STARD13: variants seen among roughly 807,000 people sequenced by gnomAD.
STARD13 encodes stAR-related lipid transfer protein 13.
Under a neutral mutation model 106.4 loss-of-function variants are expected in STARD13, and 62 were observed. The observed-to-expected ratio is 0.58, with a 90% CI of 0.48 to 0.72. The LOEUF (loss-of-function observed/expected upper bound fraction) is 0.72. Among genes scored for constraint, STARD13 ranks in the 30% least tolerant of loss-of-function variants. STARD13 has a pLI of 0.00. For missense variants in STARD13, 1,387 were observed against 1,424.0 expected (o/e 0.97, Z 0.42); for synonymous variants, 565 against 553.0 (o/e 1.02, Z -0.31).
chr13:33,327,611 T>C (rs2077790937), intron 1 of STARD13, among the ~76,000 whole-genome samples: 1 of 152,226 alleles, frequency 6.6e-6, no homozygotes, highest in African/African-American at 2.4e-5. Flanking sequence ...CCTCAAGGGA[T>C]CCTCTGGGTT....
At chr13:33,656,617 C>CGTTT in the STARD13 span, among the ~76,000 whole-genome samples, 1 of 152,188 alleles carries the variant, frequency 6.6e-6, no homozygotes, top group African/African-American at 2.4e-5. Flanking sequence ...GCCGGAGAAT[C>CGTTT]TTAAACCAGG....
chr13:33,285,726 C>T lies in STARD13; in HGVS notation c.-88G>A. 17 of 1,540,226 alleles carry T rather than the reference C, an allele frequency of 1.1e-5. No homozygotes were observed. Among genetic ancestry groups the T allele is most frequent in the Non-Finnish European group, 1.5e-5 (17 of 1,149,868 alleles). Reference sequence around the variant, plus strand: ...CAGTCAAAGAGCAAGGCACCCAGCCCAGGACAGCTCAACAGACCCAGCGAT... The same window carrying T: ...CAGTCAAAGAGCAAGGCACCCAGCCTAGGACAGCTCAACAGACCCAGCGAT... On this transcript the variant is annotated 5_prime_UTR_variant, in exon 1 of 14. Coordinates refer to ENST00000336934, the MANE Select transcript of STARD13 (RefSeq NM_178006.4).
chr13:33,603,583 T>C, the STARD13 span, among the ~76,000 whole-genome samples: 5 of 152,160 alleles, frequency 3.3e-5, no homozygotes, highest in Non-Finnish European at 7.3e-5. Context: ...AATTCATAAG[T>C]ATGGGCCTTA....
chr13:33,644,758 A>C, the STARD13 span, among the ~76,000 whole-genome samples: 1 of 152,200 alleles, frequency 6.6e-6, no homozygotes, highest in Non-Finnish European at 1.5e-5. Context: ...AAGCAGAACT[A>C]AACCAATGAG....
intron 3 of STARD13, among the ~76,000 whole-genome samples, chr13:33,160,430 A>G (rs1227999756): frequency 4.6e-5 from 7 of 152,196 alleles, no homozygotes; most frequent in African/African-American, 1.7e-4. Context: ...AAATAAAAAT[A>G]GGTAAAACTG....
At chr13:33,258,034 C>T (rs1028293111) in intron 1 of STARD13, among the ~76,000 whole-genome samples, 1 of 152,184 alleles carries the variant, frequency 6.6e-6, no homozygotes, top group African/African-American at 2.4e-5. Flanking sequence ...TTCATTTAGT[C>T]ATTTTGTTTT....
chr13:33,105,021 A>T lies in STARD13; in HGVS notation c.*572T>A, dbSNP rs1266753052. ...CTTTAATGTTATTTTCCTTTGGTTA[A>T]CTCATCTTTGGTTAGGCATCAGGGC... On this transcript the variant is annotated 3_prime_UTR_variant, in exon 14 of 14. Transcript: ENST00000336934. 9 of 152,698 alleles carry T rather than the reference A, an allele frequency of 5.9e-5. No homozygotes were observed. Among genetic ancestry groups the T allele is most frequent in the Admixed American group, 5.9e-4 (9 of 15,276 alleles). 9.5% of individuals were successfully genotyped at this position (152,698 alleles called of 1,614,324 possible). A position where few individuals can be genotyped will look rare whatever the true frequency, so the allele number is the denominator to read the frequency against.
the STARD13 span, among the ~76,000 whole-genome samples, chr13:33,502,912 G>T: frequency 6.6e-6 from 1 of 152,302 alleles, no homozygotes; most frequent in South Asian, 2.1e-4. Flanking sequence ...GAGTTAGGGA[G>T]GATTCCCTCT....
At chr13:33,598,862 G>A in the STARD13 span, among the ~76,000 whole-genome samples, 1 of 152,190 alleles carries the variant, frequency 6.6e-6, no homozygotes, top group African/African-American at 2.4e-5. Context: ...TCACTAACTT[G>A]TAAATTCATG....
the STARD13 span, among the ~76,000 whole-genome samples, chr13:33,372,007 A>G: frequency 5.3e-5 from 8 of 152,352 alleles, no homozygotes; most frequent in African/African-American, 1.9e-4. Flanking sequence ...GTGAGGGCCT[A>G]TGGATTCCCC....
At chr13:33,369,296 A>C in the STARD13 span, among the ~76,000 whole-genome samples, 1 of 134,506 alleles carries the variant, frequency 7.4e-6, no homozygotes, top group Non-Finnish European at 1.7e-5. Context: ...ACACAGATGA[A>C]ATCTTACCTG....
chr13:33,518,402 G>T, the STARD13 span, among the ~76,000 whole-genome samples: 1 of 152,078 alleles, frequency 6.6e-6, no homozygotes, highest in East Asian at 1.9e-4. Context: ...TTAGAAAGCC[G>T]CCTACCTGTG....
At chr13:33,629,061 G>A in the STARD13 span, among the ~76,000 whole-genome samples, 70 of 152,212 alleles carry the variant, frequency 4.6e-4, 1 homozygote, top group African/African-American at 1.7e-3. Context: ...TGAAGGCAGA[G>A]GCCTGGGTGG....
At chr13:33,429,120 T>C in the STARD13 span, among the ~76,000 whole-genome samples, 2 of 152,156 alleles carry the variant, frequency 1.3e-5, no homozygotes, top group Admixed American at 1.3e-4. Flanking sequence ...TTTGGAAGTT[T>C]CTCAAAACAC....
chr13:33,664,737 C>T, the STARD13 span, among the ~76,000 whole-genome samples: 1 of 152,224 alleles, frequency 6.6e-6, no homozygotes. Context: ...TGCCATTCTC[C>T]TGCCTCAGCC....
the STARD13 span, among the ~76,000 whole-genome samples, chr13:33,669,769 C>T: frequency 6.6e-6 from 1 of 151,750 alleles, no homozygotes; most frequent in Non-Finnish European, 1.5e-5. Flanking sequence ...CTCCTGACCT[C>T]GTGATCCACC....
chr13:33,540,896 C>T, the STARD13 span, among the ~76,000 whole-genome samples: 1 of 152,120 alleles, frequency 6.6e-6, no homozygotes, highest in Non-Finnish European at 1.5e-5. Context: ...CACACTAGTC[C>T]ACCCAACAGT....
the STARD13 span, among the ~76,000 whole-genome samples, chr13:33,510,924 T>A: frequency 9.2e-5 from 14 of 152,178 alleles, no homozygotes; most frequent in African/African-American, 3.4e-4. Context: ...AGCCAAATAA[T>A]CCTAACAGCT....
chr13:33,191,186 A>G (rs988092972), intron 1 of STARD13, among the ~76,000 whole-genome samples: 20 of 152,200 alleles, frequency 1.3e-4, no homozygotes, highest in African/African-American at 4.8e-4. Flanking sequence ...TGATTGGCCC[A>G]CTATGGATTA....
Sources: allele counts gnomAD v4.1 joint callset (sites outside exome capture counted in the v4.1 genomes callset), GRCh38; gene constraint gnomAD v4.1.1; transcripts MANE v1.5; gene names NCBI Gene and HGNC (gene_info 2026-07-23, HGNC 2026-07-21).